Variants in PREX2 observed in about 807,000 individuals in gnomAD.
PREX2 encodes phosphatidylinositol-3,4,5-trisphosphate dependent Rac exchange factor 2, also known as phosphatidylinositol 3,4,5-trisphosphate-dependent Rac exchanger 2 protein.
A neutral mutation model predicts 203.2 loss-of-function variants in PREX2; 107 were observed. The observed-to-expected ratio is 0.53, with a 90% CI of 0.45 to 0.62. PREX2 has a LOEUF of 0.62. Among genes scored for constraint, PREX2 ranks in the 20% least tolerant of loss-of-function variants. The pLI is 0.00. For synonymous variants in PREX2, 672 were observed against 663.6 expected (o/e 1.01, Z -0.19); for missense variants, 1,777 against 1,955.9 (o/e 0.91, Z 1.72).
At chr8:68,118,203 A>C (rs2129613047) in intron 26 of PREX2, among the ~76,000 whole-genome samples, 1 of 152,104 alleles carries the variant, frequency 6.6e-6, no homozygotes, top group Non-Finnish European at 1.5e-5. Context: ...AAAATACAAA[A>C]AATTAGCCTG....
At chr8:68,141,633 A>G (rs1197137020) in intron 33 of PREX2, among the ~76,000 whole-genome samples, 2 of 152,220 alleles carry the variant, frequency 1.3e-5, no homozygotes, top group African/African-American at 2.4e-5. Flanking sequence ...GATCTGAAGC[A>G]TAAGAAAGAC....
rs1252241973 is a variant in PREX2 at position 68,219,781 on chromosome 8, A to G, written c.4707+2063A>G. ...GTATTCAGCAGTAGCAGACAGTGAG[A>G]TTTGTGGCTGAGGGCCGATCCACAA... On this transcript the variant is annotated intron_variant, in intron 38 of 39. Coordinates refer to ENST00000288368, the MANE Select transcript of PREX2 (RefSeq NM_024870.4). 2.0e-5 allele frequency among the ~76,000 whole-genome samples: 3 copies of G among 152,192 alleles called. No individual in the cohort carries two copies. In the South Asian group the frequency reaches 6.2e-4, roughly 32 times the overall value.
chr8:68,014,143 G>A lies in PREX2; in HGVS notation c.142-3703G>A, dbSNP rs1302676258. The stretch of plus-strand genomic sequence containing the variant: ...AGCAACAGCATAAATGGGCAGACAC[G>A]GATAAAGGAGATTGCTGTCATCTTA... On this transcript the variant is annotated intron_variant, in intron 1 of 39. Transcript: ENST00000288368. Among the ~76,000 whole-genome samples, 4 of 152,064 alleles carry A rather than the reference G, an allele frequency of 2.6e-5. No individual in the cohort carries two copies. In the East Asian group the frequency reaches 7.7e-4, roughly 29 times the overall value.
chr8:68,094,586 C>T (rs1450315269), intron 21 of PREX2, among the ~76,000 whole-genome samples: 1 of 152,176 alleles, frequency 6.6e-6, no homozygotes, highest in African/African-American at 2.4e-5. Context: ...GGTGTCTTTC[C>T]ACTCATATTA....
intron 1 of PREX2, among the ~76,000 whole-genome samples, chr8:67,974,765 G>A (rs1334954202): frequency 1.3e-5 from 2 of 152,164 alleles, no homozygotes; most frequent in Non-Finnish European, 2.9e-5. Flanking sequence ...ACCTAGAGAT[G>A]ATGCAGTGAT....
intron 37 of PREX2, among the ~76,000 whole-genome samples, chr8:68,202,775 G>A (rs183548509): frequency 2.6e-5 from 4 of 152,134 alleles, no homozygotes; most frequent in African/African-American, 9.7e-5. Context: ...CTTACTAGGG[G>A]ATTTGGTTCA....
At chr8:68,101,985 A>G (rs1345030006) in intron 23 of PREX2, among the ~76,000 whole-genome samples, 1 of 152,178 alleles carries the variant, frequency 6.6e-6, no homozygotes, top group Non-Finnish European at 1.5e-5. Flanking sequence ...AATGTCGGAG[A>G]TCCTCAATAG....
intron 1 of PREX2, among the ~76,000 whole-genome samples, chr8:67,960,678 C>T (rs1222014579): frequency 3.3e-5 from 5 of 152,004 alleles, no homozygotes; most frequent in Non-Finnish European, 7.4e-5. Flanking sequence ...ATCCGATGGT[C>T]GTTCTTCCTC....
At chr8:67,986,173 T>C (rs148894561) in intron 1 of PREX2, among the ~76,000 whole-genome samples, 6 of 152,338 alleles carry the variant, frequency 3.9e-5, no homozygotes, top group African/African-American at 1.2e-4. Flanking sequence ...CCAGGTTATA[T>C]TGATGAAAAT....
chr8:68,064,359 A>C (rs2129611438), intron 11 of PREX2, among the ~76,000 whole-genome samples: 1 of 152,152 alleles, frequency 6.6e-6, no homozygotes, highest in African/African-American at 2.4e-5. Flanking sequence ...AAAAAGGGTA[A>C]AACACTCTTT....
chr8:68,130,321 C>CA (rs1395588749), intron 31 of PREX2, among the ~76,000 whole-genome samples: 5 of 151,632 alleles, frequency 3.3e-5, no homozygotes, highest in Admixed American at 6.6e-5. Flanking sequence ...CAAAAACACA[C>CA]AAAAAACCCA....
intron 1 of PREX2, among the ~76,000 whole-genome samples, chr8:67,960,125 T>A (rs1279124914): frequency 6.6e-6 from 1 of 152,028 alleles, no homozygotes; most frequent in Non-Finnish European, 1.5e-5. Context: ...ACTGCAACCT[T>A]CCCTCTTCCG....
intron 1 of PREX2, among the ~76,000 whole-genome samples, chr8:67,994,274 G>A (rs1256652978): frequency 6.6e-6 from 1 of 152,146 alleles, no homozygotes; most frequent in East Asian, 1.9e-4. Context: ...CACAGCTAAC[G>A]CTTAAGAAGA....
At chr8:68,001,627 A>G (rs570556469) in intron 1 of PREX2, among the ~76,000 whole-genome samples, 1 of 152,192 alleles carries the variant, frequency 6.6e-6, no homozygotes, top group Non-Finnish European at 1.5e-5. Context: ...GCATTCTACC[A>G]TAAAGATACG....
chr8:68,056,622 G>A (rs912297124), intron 10 of PREX2, among the ~76,000 whole-genome samples: 9 of 152,074 alleles, frequency 5.9e-5, no homozygotes, highest in African/African-American at 1.2e-4. Context: ...CTCTTTTTTA[G>A]GCCAGACTCT....
At chr8:67,981,221 C>G (rs1021714185) in intron 1 of PREX2, among the ~76,000 whole-genome samples, 1 of 152,092 alleles carries the variant, frequency 6.6e-6, no homozygotes, top group Non-Finnish European at 1.5e-5. Context: ...ATAAAAGAAG[C>G]GAATGTCTTG....
rs183388154 is a variant in PREX2 at position 68,106,235 on chromosome 8, A to G, written c.2716-1874A>G. On this transcript the variant is annotated intron_variant, in intron 23 of 39. Coordinates refer to ENST00000288368, the MANE Select transcript of PREX2 (RefSeq NM_024870.4). ...TGATTTCAGTGCCTTTATTTGTGCC[A>G]TGGGTGCCTTGTGAGACTTTTATCC... 511 of 476,548 alleles carry G rather than the reference A, an allele frequency of 1.1e-3. 3 individuals are homozygous for G. The highest frequency in any genetic ancestry group is 1.8e-4 in the Non-Finnish European group (44 of 246,432). 29.5% of individuals were successfully genotyped at this position (476,548 alleles called of 1,614,324 possible).
At chr8:68,014,070 G>C (rs1031873226) in intron 1 of PREX2, among the ~76,000 whole-genome samples, 2 of 152,130 alleles carry the variant, frequency 1.3e-5, no homozygotes, top group Non-Finnish European at 2.9e-5. Flanking sequence ...ATAAGAAAAT[G>C]CATTCTGAGA....
intron 1 of PREX2, among the ~76,000 whole-genome samples, chr8:68,003,348 A>G (rs1260101265): frequency 8.4e-5 from 10 of 119,476 alleles, no homozygotes; most frequent in African/African-American, 2.4e-4. Flanking sequence ...GTATTTTCTG[A>G]TTAAAACAAT....
Sources: allele counts gnomAD v4.1 joint callset (sites outside exome capture counted in the v4.1 genomes callset), GRCh38; gene constraint gnomAD v4.1.1; transcripts MANE v1.5; gene names NCBI Gene and HGNC (gene_info 2026-07-23, HGNC 2026-07-21).